Variants in SCRG1 observed in about 807,000 individuals in gnomAD.
SCRG1 encodes scrapie-responsive protein 1.
SCRG1 carries 3 observed loss-of-function variants against 7.7 expected under a neutral mutation model. That is an observed-to-expected ratio of 0.39 (90% CI 0.18 to 1.01). The LOEUF is 1.01. SCRG1 is among the 50% of genes least tolerant of loss of function. The pLI is 0.36. For synonymous variants in SCRG1, 46 were observed against 41.2 expected, an observed-to-expected ratio of 1.12 and a Z score of -0.44; for missense variants, 110 against 117.2, an observed-to-expected ratio of 0.94 and a Z score of 0.28.
At chr4:173,488,818 G>A in the SCRG1 span, among the ~76,000 whole-genome samples, 2 of 152,192 alleles carry the variant, frequency 1.3e-5, no homozygotes, top group South Asian at 2.1e-4. Flanking sequence ...TAATGAGTGT[G>A]TTTTGAAACT....
At chr4:173,420,002 T>C in the SCRG1 span, 2 of 684,140 alleles carry the variant, frequency 2.9e-6, no homozygotes, top group South Asian at 2.9e-5. Flanking sequence ...TATTTGGGTG[T>C]GTTGTATTTA....
intron 2 of SCRG1, among the ~76,000 whole-genome samples, chr4:173,390,541 C>T (rs1375675076): frequency 2.0e-5 from 3 of 147,256 alleles, no homozygotes; most frequent in Non-Finnish European, 3.0e-5. Context: ...GGTGCGATCT[C>T]GGCTCACTGC....
chr4:173,473,803 C>A, the SCRG1 span, among the ~76,000 whole-genome samples: 1 of 152,092 alleles, frequency 6.6e-6, no homozygotes, highest in African/African-American at 2.4e-5. Flanking sequence ...ATCCCGATGG[C>A]GGTTATATGA....
At chr4:173,514,925 T>C in the SCRG1 span, among the ~76,000 whole-genome samples, 2 of 152,220 alleles carry the variant, frequency 1.3e-5, no homozygotes, top group Non-Finnish European at 2.9e-5. Context: ...ATATCTATTC[T>C]ATCCTTTTGC....
chr4:173,507,495 C>T, the SCRG1 span, among the ~76,000 whole-genome samples: 1 of 152,228 alleles, frequency 6.6e-6, no homozygotes, highest in Non-Finnish European at 1.5e-5. The surrounding 1 kb of genome is among the most constrained non-coding windows in gnomAD (Gnocchi z 4.4). Context: ...CAGGCGTGAG[C>T]CTCCCGGCCT....
chr4:173,408,991 C>CAAAAAAAAAAAA (rs991902394), upstream of SCRG1, among the ~76,000 whole-genome samples: 3 of 51,248 alleles, frequency 5.9e-5, no homozygotes, highest in Non-Finnish European at 1.3e-4. Flanking sequence ...GACTCAGTCT[C>CAAAAAAAAAAAA]AAAAAAAAAA....
At chr4:173,476,817 T>C in the SCRG1 span, among the ~76,000 whole-genome samples, 3 of 151,764 alleles carry the variant, frequency 2.0e-5, no homozygotes, top group African/African-American at 7.3e-5. Flanking sequence ...CAAGATCCCA[T>C]CTCTAAAAAA....
intron 2 of SCRG1, among the ~76,000 whole-genome samples, chr4:173,388,671 C>T (rs1391572651): frequency 6.6e-6 from 1 of 152,102 alleles, no homozygotes; most frequent in Non-Finnish European, 1.5e-5. Flanking sequence ...ACTTTATGGT[C>T]ATGTATACAA....
At chr4:173,442,743 G>A in the SCRG1 span, among the ~76,000 whole-genome samples, 9 of 152,152 alleles carry the variant, frequency 5.9e-5, no homozygotes, top group African/African-American at 1.7e-4. Flanking sequence ...TCATATCATC[G>A]TGGAAGGGCA....
the SCRG1 span, among the ~76,000 whole-genome samples, chr4:173,472,700 G>T: frequency 3.3e-5 from 5 of 152,308 alleles, no homozygotes; most frequent in East Asian, 9.6e-4. Context: ...GGAGGTTTGG[G>T]TCTTTTATTC....
chr4:173,421,960 A>T, the SCRG1 span, among the ~76,000 whole-genome samples: 1 of 152,360 alleles, frequency 6.6e-6, no homozygotes, highest in South Asian at 2.1e-4. Context: ...TAATATATAA[A>T]TTGCAAGCAT....
chr4:173,419,685 T>C, the SCRG1 span: 806,538 of 826,428 alleles, frequency 0.98, 395,335 homozygotes, highest in Non-Finnish European at 1. Context: ...ACAGCTCCCT[T>C]CGGGGCACCA....
the SCRG1 span, among the ~76,000 whole-genome samples, chr4:173,473,063 TA>T: frequency 6.6e-6 from 1 of 152,248 alleles, no homozygotes; most frequent in Non-Finnish European, 1.5e-5. Context: ...TCTTCAAAGC[TA>T]TTGTTGGAAT....
At chr4:173,448,490 C>T in the SCRG1 span, among the ~76,000 whole-genome samples, 3 of 152,198 alleles carry the variant, frequency 2.0e-5, no homozygotes, top group African/African-American at 7.2e-5. Context: ...CTAGTACTTA[C>T]AGAAAGAGAA....
chr4:173,429,469 A>AT, the SCRG1 span, among the ~76,000 whole-genome samples: 178 of 151,980 alleles, frequency 1.2e-3, no homozygotes, highest in African/African-American at 4.1e-3. Flanking sequence ...ATTTTATTTT[A>AT]TTTTTTATGT....
At position 173,387,024 on chromosome 4, in the gene SCRG1, C is replaced by G. The variant is rs1012962739; in HGVS notation, c.*1317G>C. 1.3e-5 allele frequency: 2 copies of G among 152,188 alleles called. No homozygotes were observed. The highest frequency in any genetic ancestry group is 2.9e-5 in the Non-Finnish European group (2 of 68,030). The allele number at this position is 152,188 out of a possible 1,614,324, so 9.4% of individuals were successfully genotyped here. A position where few individuals can be genotyped will look rare whatever the true frequency, so the allele number is the denominator to read the frequency against. On this transcript the variant is annotated 3_prime_UTR_variant, in exon 3 of 3. Coordinates refer to ENST00000296506, the MANE Select transcript of SCRG1 (RefSeq NM_007281.4). Reference sequence around the variant, plus strand: ...ATCCAAAGCTGTCTCCTCTAACAATCAGAAAATACCTTTGAAGTTCCCTGT... The same window carrying G: ...ATCCAAAGCTGTCTCCTCTAACAATGAGAAAATACCTTTGAAGTTCCCTGT...
At chr4:173,388,568 C>G (rs978807385) in intron 2 of SCRG1, among the ~76,000 whole-genome samples, 173 bp from the exon 3 acceptor site, 1 of 152,002 alleles carries the variant, frequency 6.6e-6, no homozygotes, top group Admixed American at 6.6e-5. Flanking sequence ...CAACAAAGAC[C>G]GAGAAGGTAA....
chr4:173,396,139 G>A (rs1021353985), intron 1 of SCRG1, among the ~76,000 whole-genome samples: 13 of 152,214 alleles, frequency 8.5e-5, no homozygotes, highest in Non-Finnish European at 1.8e-4. Flanking sequence ...GGCTTGAATG[G>A]TGTTGTCATT....
chr4:173,473,312 C>T, the SCRG1 span, among the ~76,000 whole-genome samples: 1 of 152,210 alleles, frequency 6.6e-6, no homozygotes, highest in Non-Finnish European at 1.5e-5. Context: ...GGTAGGCTGG[C>T]CTGACCACAC....
Sources: gnomAD v4.1 joint callset for allele counts (sites outside exome capture counted in the v4.1 genomes callset) on GRCh38, gnomAD v4.1.1 for gene constraint, Gnocchi (gnomAD v3.1) non-coding constraint, MANE v1.5 for transcripts, NCBI Gene and HGNC (gene_info 2026-07-23, HGNC 2026-07-21) for gene names.